The following SGIP1 variants were observed in gnomAD, a reference collection of about 807,000 sequenced individuals.
SGIP1 encodes SH3GL interacting endocytic adaptor 1, also known as SH3-containing GRB2-like protein 3-interacting protein 1.
Under a neutral mutation model 107.5 loss-of-function variants are expected in SGIP1, and 38 were observed. The ratio of observed to expected loss-of-function variants is 0.35; its 90% CI spans 0.27 to 0.46. The LOEUF is 0.46. Among genes scored for constraint, SGIP1 ranks in the 20% least tolerant of loss-of-function variants. The pLI is 1.00. For synonymous variants in SGIP1, 365 were observed against 366.1 expected (o/e 1.00, Z 0.03); for missense variants, 929 against 1,019.5 (o/e 0.91, Z 1.21).
chr1:66,714,964 T>G (rs1471165074), intron 18 of SGIP1, among the ~76,000 whole-genome samples: 1 of 152,144 alleles, frequency 6.6e-6, no homozygotes, highest in East Asian at 1.9e-4. Context: ...TGAGGTGCTA[T>G]GGGGGATGAA....
At chr1:66,680,761 C>T (rs1049384460) in intron 14 of SGIP1, among the ~76,000 whole-genome samples, 3 of 152,116 alleles carry the variant, frequency 2.0e-5, no homozygotes, top group Non-Finnish European at 4.4e-5. Flanking sequence ...AGCCTTGGAA[C>T]CTTGAAAGTT....
intron 17 of SGIP1, chr1:66,694,602 T>A (rs1279466173): frequency 4.4e-6 from 4 of 901,798 alleles, no homozygotes; most frequent in Non-Finnish European, 4.8e-6. Flanking sequence ...TGCCCTCACC[T>A]CATGAGTGTC....
intron 21 of SGIP1, among the ~76,000 whole-genome samples, chr1:66,734,275 A>G (rs1487973775): frequency 6.6e-6 from 1 of 152,138 alleles, no homozygotes; most frequent in Non-Finnish European, 1.5e-5. Flanking sequence ...TTGTTTTTCT[A>G]GTAAGATAGT....
Position 66,564,204 on chromosome 1 carries a change from C to G in SGIP1, c.10+29836C>G, listed in dbSNP as rs565696692. ...CGACTAAACTAGTTCAGCTGACTCA[C>G]TCTATCAATGGTGATTTCAGAATGA... On this transcript the variant is annotated intron_variant, in intron 1 of 24. Transcript: ENST00000371037. Among the ~76,000 whole-genome samples, 25 of 152,096 alleles carry G rather than the reference C, an allele frequency of 1.6e-4. 2 individuals are homozygous for G. The South Asian group carries it at 2.9e-3, about 18-fold the overall frequency.
At chr1:66,597,362 C>T (rs1041302946) in intron 1 of SGIP1, among the ~76,000 whole-genome samples, 1 of 152,228 alleles carries the variant, frequency 6.6e-6, no homozygotes, top group African/African-American at 2.4e-5. Flanking sequence ...TTAGCCTGAG[C>T]ACCTTATTTA....
chr1:66,693,555 C>G (rs1273009895), intron 17 of SGIP1, among the ~76,000 whole-genome samples: 1 of 152,162 alleles, frequency 6.6e-6, no homozygotes, highest in East Asian at 1.9e-4. Flanking sequence ...CCATTTCCTT[C>G]TCTGCATTTT....
chr1:66,542,424 A>T (rs936826468), intron 1 of SGIP1, among the ~76,000 whole-genome samples: 1 of 152,208 alleles, frequency 6.6e-6, no homozygotes, highest in Non-Finnish European at 1.5e-5. Context: ...TGCCTACATG[A>T]TGAGATGAAG....
At chr1:66,673,189 C>T in intron 11 of SGIP1, 92 bp from the exon 12 acceptor site, 2 of 1,320,354 alleles carry the variant, frequency 1.5e-6, no homozygotes, top group Non-Finnish European at 2.2e-6. Flanking sequence ...ACACTTGTTT[C>T]ACTAAGAAAA....
chr1:66,630,832 A>AG (rs2074158974), intron 2 of SGIP1, among the ~76,000 whole-genome samples: 6 of 9,854 alleles, frequency 6.1e-4, no homozygotes, highest in African/African-American at 4.0e-3. Context: ...AGAAAGAAAG[A>AG]AAGAAAGAAA....
At chr1:66,558,244 C>G (rs1202637083) in intron 1 of SGIP1, among the ~76,000 whole-genome samples, 2 of 151,994 alleles carry the variant, frequency 1.3e-5, no homozygotes, top group African/African-American at 4.8e-5. Flanking sequence ...CTTCATGGGT[C>G]TGCAATCTGC....
chr1:66,690,574 C>CA (rs1378819061), intron 17 of SGIP1: 2 of 329,748 alleles, frequency 6.1e-6, no homozygotes, highest in Non-Finnish European at 1.1e-5. Flanking sequence ...CAGAGCTATT[C>CA]AAAAAATAAG....
At chr1:66,544,325 C>T (rs143199051) in intron 1 of SGIP1, among the ~76,000 whole-genome samples, 1 of 152,294 alleles carries the variant, frequency 6.6e-6, no homozygotes, top group Non-Finnish European at 1.5e-5. Context: ...GGAATTGGCA[C>T]ATGAGATGAT....
Position 66,682,082 on chromosome 1 carries a change from C to A in SGIP1, c.1028C>A (p.Pro343Gln). 2 of 1,614,220 alleles carry A rather than the reference C, an allele frequency of 1.2e-6. No homozygotes were observed. Among genetic ancestry groups the A allele is most frequent in the Non-Finnish European group, 1.7e-6 (2 of 1,180,028 alleles). The stretch of plus-strand genomic sequence containing the variant: ...TCCCCACCAGCTACACCAGACAACC[C>A]AGCTGACTCCCCAGCTCCAGGCCCT... ...VVSPPATPDN[P>Q]ADSPAPGPLG... The change falls in exon 15 of 25, where the codon CCA (proline) becomes CAA (glutamine). Residue 343 changes from proline (P) to glutamine (Q), a missense_variant. Transcript: ENST00000371037.
intron 1 of SGIP1, among the ~76,000 whole-genome samples, chr1:66,546,849 A>C (rs2056493693): frequency 6.6e-6 from 1 of 152,180 alleles, no homozygotes; most frequent in Non-Finnish European, 1.5e-5. Context: ...AGAATTTGCT[A>C]GGTGGGTAAG....
intron 18 of SGIP1, among the ~76,000 whole-genome samples, chr1:66,696,415 A>T (rs886631943): frequency 6.6e-6 from 1 of 152,162 alleles, no homozygotes. Flanking sequence ...TCCACTCTAG[A>T]TTTGAATCTA....
chr1:66,603,640 A>G (rs2066278754), intron 1 of SGIP1, among the ~76,000 whole-genome samples: 1 of 152,192 alleles, frequency 6.6e-6, no homozygotes, highest in Admixed American at 6.5e-5. Flanking sequence ...AAAGCTTAAT[A>G]TAAATTCTCA....
At chr1:66,595,974 A>G (rs780083596) in intron 1 of SGIP1, among the ~76,000 whole-genome samples, 2 of 152,236 alleles carry the variant, frequency 1.3e-5, no homozygotes, top group Non-Finnish European at 2.9e-5. Context: ...AATCCTTTTA[A>G]TAGAACTGTT....
chr1:66,553,109 G>C (rs1187966785), intron 1 of SGIP1, among the ~76,000 whole-genome samples: 2 of 152,218 alleles, frequency 1.3e-5, no homozygotes, highest in Admixed American at 1.3e-4. Context: ...TCCATGTTTG[G>C]GTCACGGTTG....
intron 18 of SGIP1, among the ~76,000 whole-genome samples, chr1:66,697,151 G>T (rs1219662132): frequency 6.6e-6 from 1 of 152,144 alleles, no homozygotes; most frequent in African/African-American, 2.4e-5. Context: ...ATGCTTTATT[G>T]TGGACCTCTT....
Sources: allele counts gnomAD v4.1 joint callset (sites outside exome capture counted in the v4.1 genomes callset), GRCh38; gene constraint gnomAD v4.1.1; transcripts MANE v1.5; gene names NCBI Gene and HGNC (gene_info 2026-07-23, HGNC 2026-07-21).